The following GRK3 variants were observed in gnomAD, a reference collection of about 807,000 sequenced individuals.
The protein encoded by GRK3 is G protein-coupled receptor kinase 3.
GRK3 carries 54 observed loss-of-function variants against 95.7 expected under a neutral mutation model. The ratio of observed to expected loss-of-function variants is 0.56; its 90% CI spans 0.45 to 0.71. GRK3 has a LOEUF of 0.71. GRK3 is among the 30% of genes least tolerant of loss of function. The pLI, the probability that GRK3 is intolerant of heterozygous loss-of-function variation, is 0.00. For missense variants in GRK3, 649 were observed against 851.2 expected (o/e 0.76, Z 2.96); for synonymous variants, 281 against 290.8 (o/e 0.97, Z 0.34).
At chr22:25,617,823 C>T (rs1179258213) in intron 2 of GRK3, among the ~76,000 whole-genome samples, 1 of 152,176 alleles carries the variant, frequency 6.6e-6, no homozygotes, top group Non-Finnish European at 1.5e-5. Context: ...GTTGCCCAGG[C>T]TGGAGTGCAA....
chr22:25,707,425 A>G (rs953691088), intron 15 of GRK3, among the ~76,000 whole-genome samples: 7 of 152,242 alleles, frequency 4.6e-5, no homozygotes, highest in African/African-American at 1.4e-4. Flanking sequence ...TTTACTGGGC[A>G]CACACTGATG....
chr22:25,714,648 T>TG, intron 18 of GRK3, 78 bp downstream of exon 18: 1 of 1,378,942 alleles, frequency 7.3e-7, no homozygotes, highest in South Asian at 1.5e-5. Context: ...AAAAAGTATT[T>TG]GGGTCGTAAG....
At chr22:25,584,874 A>G (rs1456750954) in intron 1 of GRK3, among the ~76,000 whole-genome samples, 1 of 152,286 alleles carries the variant, frequency 6.6e-6, no homozygotes, top group Non-Finnish European at 1.5e-5. Context: ...ATTAATGAAA[A>G]CATGGCTTAA....
At chr22:25,637,701 A>G (rs755597133) in intron 2 of GRK3, among the ~76,000 whole-genome samples, 1 of 152,242 alleles carries the variant, frequency 6.6e-6, no homozygotes, top group Non-Finnish European at 1.5e-5. Context: ...CTCCAAATCT[A>G]TATAATGCAG....
intron 2 of GRK3, among the ~76,000 whole-genome samples, chr22:25,611,826 A>G (rs950321690): frequency 3.6e-4 from 50 of 137,580 alleles, no homozygotes; most frequent in African/African-American, 1.3e-3. Context: ...CTCATAGTTT[A>G]GTGTCTTTTT....
At chr22:25,578,917 A>G (rs1932003779) in intron 1 of GRK3, among the ~76,000 whole-genome samples, 1 of 152,050 alleles carries the variant, frequency 6.6e-6, no homozygotes, top group Non-Finnish European at 1.5e-5. Context: ...GCAATAACAA[A>G]CTAATAACAA....
At chr22:25,635,174 G>C (rs745410380) in intron 2 of GRK3, among the ~76,000 whole-genome samples, 46 of 152,250 alleles carry the variant, frequency 3.0e-4, no homozygotes, top group Middle Eastern at 3.4e-3. Context: ...CTTCCAATGT[G>C]TCTTAGAGAA....
At chr22:25,661,135 A>G (rs2084906459) in intron 3 of GRK3, among the ~76,000 whole-genome samples, 1 of 152,198 alleles carries the variant, frequency 6.6e-6, no homozygotes, top group South Asian at 2.1e-4. Context: ...TTCTGGCAGT[A>G]TATTTTTTTC....
At chr22:25,637,399 T>C (rs1481130349) in intron 2 of GRK3, among the ~76,000 whole-genome samples, 1 of 152,262 alleles carries the variant, frequency 6.6e-6, no homozygotes, top group Non-Finnish European at 1.5e-5. Flanking sequence ...CCCTGACTAA[T>C]ACAGGTACAA....
intron 13 of GRK3, among the ~76,000 whole-genome samples, chr22:25,696,871 T>C (rs2085213296): frequency 6.6e-6 from 1 of 152,264 alleles, no homozygotes. Context: ...TTGTGGAGCC[T>C]GGATGGCTTT....
At chr22:25,663,725 A>G (rs1239762202) in intron 5 of GRK3, 21 bp downstream of exon 5, 3 of 1,528,264 alleles carry the variant, frequency 2.0e-6, no homozygotes, top group Non-Finnish European at 2.7e-6. Flanking sequence ...ATTATTCCAA[A>G]ATAAATAGAT....
chr22:25,656,938 G>A (rs1051478083), intron 3 of GRK3, among the ~76,000 whole-genome samples: 2 of 152,168 alleles, frequency 1.3e-5, no homozygotes, highest in Admixed American at 6.5e-5. Context: ...AGCTTGGTGA[G>A]GGGGAGAGCA....
In GRK3 at chr22:25,674,873, C is replaced by T. The variant is rs183395268; in HGVS notation, c.647+345C>T. Among the ~76,000 whole-genome samples, 777 of 152,180 alleles carry T rather than the reference C, an allele frequency of 5.1e-3. 5 individuals carry two copies. Among genetic ancestry groups the T allele is most frequent in the African/African-American group, 0.018 (733 of 41,516 alleles). ...CTGAGGCAGGAGAATGGCGTGAACCCGGGAGGCAGAGCTTGCAGTGAGCGG... is the reference window on the plus strand; with the variant it reads ...CTGAGGCAGGAGAATGGCGTGAACCTGGGAGGCAGAGCTTGCAGTGAGCGG... On this transcript the variant is annotated intron_variant, in intron 8 of 20. Coordinates refer to ENST00000324198, the MANE Select transcript of GRK3 (RefSeq NM_005160.4).
chr22:25,623,806 A>G (rs76208492), intron 2 of GRK3, among the ~76,000 whole-genome samples: 1 of 152,014 alleles, frequency 6.6e-6, no homozygotes, highest in East Asian at 1.9e-4. Flanking sequence ...CATTTCCACC[A>G]CAGCCACTTT....
At position 25,605,344 on chromosome 22, in the gene GRK3, A is replaced by G. The variant is rs141401537; in HGVS notation, c.190+891A>G. Among the ~76,000 whole-genome samples, 39 of 152,306 alleles carry G rather than the reference A, an allele frequency of 2.6e-4. 1 individual carries two copies. The East Asian group carries it at 7.5e-3, about 29-fold the overall frequency. On this transcript the variant is annotated intron_variant, in intron 2 of 20. Coordinates refer to ENST00000324198, the MANE Select transcript of GRK3 (RefSeq NM_005160.4). ...TTGGTTGGGGAACAGATAAGTTAAA[A>G]GAGTTTGGCTTTCATTTTGTTAGTT...
intron 14 of GRK3, among the ~76,000 whole-genome samples, chr22:25,703,906 G>A (rs2085278443): frequency 2.0e-5 from 3 of 152,126 alleles, no homozygotes; most frequent in Admixed American, 1.3e-4. Context: ...AATGCCTTCC[G>A]GTTCTTCTGA....
Position 25,725,280 on chromosome 22 carries a change from C to T in GRK3, c.*2830C>T, listed in dbSNP as rs2085465004. ...GATTCCTGTGGTTGGGATATTTTAACATTGATGAGAAAAATAATTGAGGTT... is the reference window on the plus strand; with the variant it reads ...GATTCCTGTGGTTGGGATATTTTAATATTGATGAGAAAAATAATTGAGGTT... On this transcript the variant is annotated 3_prime_UTR_variant, in exon 21 of 21. Coordinates refer to ENST00000324198, the MANE Select transcript of GRK3 (RefSeq NM_005160.4). 3.1e-6 allele frequency: 1 copy of T among 324,640 alleles called. No individual in the cohort carries two copies. The highest frequency in any genetic ancestry group is 2.1e-5 in the African/African-American group (1 of 47,162). 20.1% of individuals were successfully genotyped at this position (324,640 alleles called of 1,614,324 possible).
intron 9 of GRK3, among the ~76,000 whole-genome samples, chr22:25,681,257 A>G (rs1458769588): frequency 1.3e-5 from 2 of 152,168 alleles, no homozygotes; most frequent in Non-Finnish European, 2.9e-5. Context: ...ATACAGCTGC[A>G]TGGAAAGGGA....
rs775700066 is a variant in GRK3, at chr22:25,604,463, G to A, written c.190+10G>A. On this transcript the variant is annotated intron_variant, in intron 2 of 20. Transcript: ENST00000324198. ...TTCAATCAGAAAATTGGTAAGTCCT[G>A]CTTGTTCATTTGGCATACGGTAATT... 3 of 1,596,278 alleles carry A rather than the reference G, an allele frequency of 1.9e-6. No homozygotes were observed. In the East Asian group the frequency reaches 6.7e-5, roughly 36 times the overall value.
Sources: allele counts gnomAD v4.1 joint callset (sites outside exome capture counted in the v4.1 genomes callset), GRCh38; gene constraint gnomAD v4.1.1; transcripts MANE v1.5; gene names NCBI Gene and HGNC (gene_info 2026-07-23, HGNC 2026-07-21).